Variants in AFF2 observed in about 807,000 individuals in gnomAD.
AFF2 encodes the protein ALF transcription elongation factor 2.
In AFF2, 14 loss-of-function variants were observed where a neutral mutation model predicts 76.9. That is an observed-to-expected ratio of 0.18 (90% confidence interval 0.12 to 0.28). AFF2 has a LOEUF of 0.28. Among genes scored for constraint, AFF2 ranks in the 10% least tolerant of loss-of-function variants. The pLI, the probability that AFF2 is intolerant of heterozygous loss-of-function variation, is 1.00. For synonymous variants in AFF2, 398 were observed against 366.7 expected, an observed-to-expected ratio of 1.09 and a Z score of -0.98; for missense variants, 868 against 1,001.1, an observed-to-expected ratio of 0.87 and a Z score of 1.79.
intron 1 of AFF2, among the ~76,000 whole-genome samples, chrX:148,505,343 A>C (rs1171582928): frequency 8.9e-6 from 1 of 111,929 alleles, no homozygotes; most frequent in Non-Finnish European, 1.9e-5. Flanking sequence ...CTCATGGTAG[A>C]AATCAGTTTA....
At chrX:148,613,436 T>G (rs1049210359) in intron 1 of AFF2, among the ~76,000 whole-genome samples, 14 of 111,700 alleles carry the variant, frequency 1.3e-4, no homozygotes, top group African/African-American at 4.2e-4. Flanking sequence ...TGATCTTCTT[T>G]GATTAGGCAA....
intron 8 of AFF2, among the ~76,000 whole-genome samples, chrX:148,891,922 GCA>G (rs2071228613): frequency 8.9e-6 from 1 of 112,010 alleles, no homozygotes; most frequent in African/African-American, 3.2e-5. Context: ...ACTTCATTTA[GCA>G]CAGTTAGAAG....
Position 148,996,971 on chromosome X carries a change from C to T in AFF2, c.*5639C>T, listed in dbSNP as rs1557293324. 1 of 112,143 alleles carries T rather than the reference C, an allele frequency of 8.9e-6. No individual in the cohort carries two copies. Among genetic ancestry groups the T allele is most frequent in the East Asian group, 2.8e-4 (1 of 3,583 alleles). 9.2% of individuals were successfully genotyped at this position (112,143 alleles called of 1,213,427 possible). On this transcript the variant is annotated 3_prime_UTR_variant, in exon 21 of 21. Transcript: ENST00000370460. ...GGAACTCTATGGAGAATAGCACAATCCAGAATTTACTGTGTTTTTCTTTTA... is the reference window on the plus strand; with the variant it reads ...GGAACTCTATGGAGAATAGCACAATTCAGAATTTACTGTGTTTTTCTTTTA...
intron 1 of AFF2, among the ~76,000 whole-genome samples, chrX:148,555,567 T>C (rs1035940692): frequency 1.8e-5 from 2 of 112,224 alleles, no homozygotes; most frequent in East Asian, 5.6e-4. Flanking sequence ...GGTTTGAGCA[T>C]TGGACTTGGA....
At chrX:148,699,340 CT>C (rs1481555172) in intron 3 of AFF2, among the ~76,000 whole-genome samples, 5 of 112,556 alleles carry the variant, frequency 4.4e-5, no homozygotes, top group Non-Finnish European at 9.4e-5. Context: ...TCAGTCTGTA[CT>C]GTTTATGACG....
At chrX:148,980,877 G>A in intron 19 of AFF2, 87 bp downstream of exon 19, 1 of 667,342 alleles carries the variant, frequency 1.5e-6, no homozygotes, top group Non-Finnish European at 2.3e-6. Context: ...CAGGAGTGAA[G>A]GTCAATTCTA....
chrX:148,817,418 A>T (rs2124646788), intron 4 of AFF2, among the ~76,000 whole-genome samples: 1 of 111,270 alleles, frequency 9.0e-6, no homozygotes, highest in East Asian at 2.8e-4. Flanking sequence ...ATTGACAGAG[A>T]TTAACTCCAG....
At chrX:148,896,461 C>T (rs1340064088) in intron 8 of AFF2, among the ~76,000 whole-genome samples, 16 of 111,938 alleles carry the variant, frequency 1.4e-4, no homozygotes, top group Middle Eastern at 4.6e-3. Flanking sequence ...TGTGGCACAA[C>T]TCTGTTTATT....
At chrX:148,522,381 C>T (rs1421775489) in intron 1 of AFF2, among the ~76,000 whole-genome samples, 5 of 112,232 alleles carry the variant, frequency 4.5e-5, no homozygotes, top group South Asian at 3.7e-4. Context: ...TGTGTATTTT[C>T]GGGAACATTT....
At chrX:148,824,060 CCTCT>C (rs60032031) in intron 4 of AFF2, among the ~76,000 whole-genome samples, 1,609 of 96,649 alleles carry the variant, frequency 0.017, 32 homozygotes, top group African/African-American at 0.06. Context: ...ATATTTGCTT[CCTCT>C]CTCTCTCTCT....
At chrX:148,647,437 T>C (rs1233990999) in intron 1 of AFF2, among the ~76,000 whole-genome samples, 2 of 111,885 alleles carry the variant, frequency 1.8e-5, no homozygotes, top group African/African-American at 6.5e-5. Flanking sequence ...CCAAATGGAC[T>C]GAAACTGGTT....
chrX:148,960,460 G>A (rs2072095879), intron 12 of AFF2, among the ~76,000 whole-genome samples: 1 of 112,280 alleles, frequency 8.9e-6, no homozygotes, highest in African/African-American at 3.2e-5. Context: ...TGGGAAAGCA[G>A]TGTTTCCCTT....
At chrX:148,690,485 T>C (rs2054639896) in intron 3 of AFF2, among the ~76,000 whole-genome samples, 1 of 111,719 alleles carries the variant, frequency 9.0e-6, no homozygotes, top group Non-Finnish European at 1.9e-5. Context: ...AGAATGAACT[T>C]ACTCAGGACT....
chrX:148,872,832 G>A (rs2070993683), intron 7 of AFF2, among the ~76,000 whole-genome samples: 1 of 111,410 alleles, frequency 9.0e-6, no homozygotes, highest in Non-Finnish European at 1.9e-5. Context: ...CTTCTTAGAA[G>A]GTCTCTAATC....
chrX:148,559,441 C>T (rs2053086350), intron 1 of AFF2, among the ~76,000 whole-genome samples: 1 of 110,913 alleles, frequency 9.0e-6, no homozygotes, highest in Non-Finnish European at 1.9e-5. Flanking sequence ...CACCCCGTGA[C>T]AGGCCCTGGT....
intron 2 of AFF2, among the ~76,000 whole-genome samples, chrX:148,654,717 A>G (rs1401138677): frequency 2.7e-5 from 3 of 109,264 alleles, no homozygotes; most frequent in African/African-American, 1.0e-4. Context: ...GAACATTAGA[A>G]TGAGAACAAA....
In AFF2 at chrX:148,991,675, A is replaced by T; in HGVS notation, c.*343A>T. ...AATGGGAAGCACTTGTGATAAAGAC[A>T]GGCTCCTGAGAAATGCAACAAGTGG... is the stretch of plus-strand genomic sequence containing the variant. On this transcript the variant is annotated 3_prime_UTR_variant, in exon 21 of 21. Coordinates refer to ENST00000370460, the MANE Select transcript of AFF2 (RefSeq NM_002025.4). 7.6e-6 allele frequency: 1 copy of T among 130,988 alleles called. No individual in the cohort carries two copies. The highest frequency in any genetic ancestry group is 1.5e-5 in the Non-Finnish European group (1 of 65,030). The allele number at this position is 130,988 out of a possible 1,213,427, so 10.8% of individuals were successfully genotyped here.
chrX:148,891,017 C>A (rs1319600964), intron 8 of AFF2, among the ~76,000 whole-genome samples: 1 of 112,103 alleles, frequency 8.9e-6, no homozygotes, highest in African/African-American at 3.2e-5. Flanking sequence ...CACATGATGT[C>A]TATTACCTGG....
chrX:148,983,965 A>AAAAAAAAAAAAAAAAAC (rs1438744109), intron 19 of AFF2, among the ~76,000 whole-genome samples: 6 of 99,796 alleles, frequency 6.0e-5, no homozygotes, highest in African/African-American at 2.3e-4. Context: ...AAAAAAAAAA[A>AAAAAAAAAAAAAAAAAC]AAACTGCCCT....
Sources: allele counts gnomAD v4.1 joint callset (sites outside exome capture counted in the v4.1 genomes callset), GRCh38; gene constraint gnomAD v4.1.1; transcripts MANE v1.5; gene names NCBI Gene and HGNC (gene_info 2026-07-23, HGNC 2026-07-21).